Variants in TAFA1 observed in about 807,000 individuals in gnomAD.
TAFA1 encodes TAFA chemokine like family member 1.
Under a neutral mutation model 18.5 loss-of-function variants are expected in TAFA1, and 4 were observed. The ratio of observed to expected loss-of-function variants is 0.22; its 90% CI spans 0.11 to 0.49. TAFA1 has a LOEUF of 0.49. Ranked by LOEUF, TAFA1 falls within the 20% of genes least tolerant of loss-of-function variation. The pLI is 0.98. For missense variants in TAFA1, 147 were observed against 169.0 expected (o/e 0.87, Z 0.72); for synonymous variants, 56 against 55.2 (o/e 1.01, Z -0.06).
chr3:68,017,020 C>T (rs988034059), intron 2 of TAFA1, among the ~76,000 whole-genome samples: 30 of 152,144 alleles, frequency 2.0e-4, no homozygotes, highest in African/African-American at 6.8e-4. Context: ...AAAGTTTGAA[C>T]ACCACTGTTC....
chr3:68,293,694 C>T (rs1243492548), intron 2 of TAFA1, among the ~76,000 whole-genome samples: 2 of 152,276 alleles, frequency 1.3e-5, no homozygotes, highest in African/African-American at 2.4e-5. Context: ...CTCTTCATAA[C>T]GCATTTGTAT....
chr3:68,334,121 T>C lies in TAFA1; in HGVS notation c.119-83159T>C, dbSNP rs948887792. 2.0e-5 allele frequency among the ~76,000 whole-genome samples: 3 copies of C among 152,180 alleles called. No homozygotes were observed. In the East Asian group the frequency reaches 5.8e-4, roughly 29 times the overall value. Reference sequence around the variant, plus strand: ...GTTAATATACTGTATATTTGAAATTTGCCAAGAGAGTAAATGGTAAGCTTA... The same window carrying C: ...GTTAATATACTGTATATTTGAAATTCGCCAAGAGAGTAAATGGTAAGCTTA... On this transcript the variant is annotated intron_variant, in intron 2 of 4. Coordinates refer to ENST00000478136, the MANE Select transcript of TAFA1 (RefSeq NM_213609.4).
At chr3:68,473,113 A>G (rs2072031791) in intron 3 of TAFA1, among the ~76,000 whole-genome samples, 1 of 152,208 alleles carries the variant, frequency 6.6e-6, no homozygotes, top group Non-Finnish European at 1.5e-5. Flanking sequence ...AATGGTGAGG[A>G]AAAGCACTGC....
At chr3:68,264,574 T>A (rs1466173508) in intron 2 of TAFA1, among the ~76,000 whole-genome samples, 1 of 152,176 alleles carries the variant, frequency 6.6e-6, no homozygotes, top group Non-Finnish European at 1.5e-5. Flanking sequence ...TTCTGAGAAA[T>A]GTTTCAATGT....
intron 2 of TAFA1, among the ~76,000 whole-genome samples, chr3:68,336,318 C>T (rs2068968547): frequency 6.6e-6 from 1 of 152,196 alleles, no homozygotes; most frequent in Non-Finnish European, 1.5e-5. Flanking sequence ...TCCTCAGTGA[C>T]TTTGATCTCT....
At chr3:68,125,340 G>A (rs1476994043) in intron 2 of TAFA1, among the ~76,000 whole-genome samples, 1 of 152,218 alleles carries the variant, frequency 6.6e-6, no homozygotes, top group Non-Finnish European at 1.5e-5. Flanking sequence ...TGTAGCAAGA[G>A]CTACCTGTGC....
chr3:68,485,230 G>A (rs2072314848), intron 3 of TAFA1, among the ~76,000 whole-genome samples: 1 of 151,866 alleles, frequency 6.6e-6, no homozygotes, highest in Admixed American at 6.6e-5. Context: ...CACACACAAG[G>A]GTAAATGTTG....
chr3:68,474,705 C>T (rs887886632), intron 3 of TAFA1, among the ~76,000 whole-genome samples: 7 of 152,172 alleles, frequency 4.6e-5, no homozygotes, highest in Admixed American at 6.6e-5. Flanking sequence ...TATTACTTCT[C>T]ATGGAAAGCA....
At chr3:68,383,529 G>A (rs2070026501) in intron 2 of TAFA1, among the ~76,000 whole-genome samples, 1 of 152,088 alleles carries the variant, frequency 6.6e-6, no homozygotes, top group Non-Finnish European at 1.5e-5. Flanking sequence ...CAGGGGTGAA[G>A]CCTACTTGAT....
intron 2 of TAFA1, among the ~76,000 whole-genome samples, chr3:68,010,948 A>G (rs1704458613): frequency 6.6e-6 from 1 of 152,176 alleles, no homozygotes; most frequent in Non-Finnish European, 1.5e-5. Context: ...TGTTTCAGGT[A>G]ATTATAAAAT....
At chr3:68,233,780 G>A (rs1298115261) in intron 2 of TAFA1, among the ~76,000 whole-genome samples, 2 of 152,094 alleles carry the variant, frequency 1.3e-5, no homozygotes, top group African/African-American at 4.8e-5. Flanking sequence ...TAAAGGTCTT[G>A]AAACTGTCTA....
chr3:68,361,028 C>T (rs2069457908), intron 2 of TAFA1, among the ~76,000 whole-genome samples: 1 of 151,934 alleles, frequency 6.6e-6, no homozygotes, highest in Non-Finnish European at 1.5e-5. Context: ...TGCACTTTTG[C>T]TGAAAACTTT....
At chr3:68,394,324 A>T (rs2070331360) in intron 2 of TAFA1, among the ~76,000 whole-genome samples, 1 of 152,198 alleles carries the variant, frequency 6.6e-6, no homozygotes, top group East Asian at 1.9e-4. Context: ...ATGGAAAAAC[A>T]TTCCATGCTC....
Position 68,037,515 on chromosome 3 carries a change from C to G in TAFA1, c.118+30771C>G, listed in dbSNP as rs76832924. On this transcript the variant is annotated intron_variant, in intron 2 of 4. Transcript: ENST00000478136. ...ATGTCTAGGTGTTAATATTTTATGT[C>G]TAAACTACAGTTTCCATTTTTTTCC... Among the ~76,000 whole-genome samples, 1,217 of 152,246 alleles carry G rather than the reference C, an allele frequency of 8.0e-3. 17 individuals are homozygous for G. Among genetic ancestry groups the G allele is most frequent in the African/African-American group, 0.027 (1,129 of 41,548 alleles).
intron 2 of TAFA1, among the ~76,000 whole-genome samples, chr3:68,326,521 C>A (rs2068780531): frequency 6.6e-6 from 1 of 152,170 alleles, no homozygotes; most frequent in Admixed American, 6.5e-5. Flanking sequence ...AGTTTGCTTG[C>A]AATTCACCCC....
intron 2 of TAFA1, among the ~76,000 whole-genome samples, chr3:68,010,711 A>G (rs1389630958): frequency 1.3e-5 from 2 of 152,230 alleles, no homozygotes; most frequent in Non-Finnish European, 2.9e-5. Context: ...GTGAATTTTA[A>G]AATTACACTA....
intron 2 of TAFA1, among the ~76,000 whole-genome samples, chr3:68,051,335 C>A (rs1470900351): frequency 1.3e-5 from 2 of 152,132 alleles, no homozygotes; most frequent in Non-Finnish European, 2.9e-5. Context: ...AAGATTCTTA[C>A]TAAGAATCAG....
At chr3:68,537,471 G>T (rs943471753) in intron 3 of TAFA1, among the ~76,000 whole-genome samples, 4 of 152,278 alleles carry the variant, frequency 2.6e-5, no homozygotes, top group Admixed American at 6.5e-5. Flanking sequence ...GGAGAGAAAA[G>T]GAGGCCTGGC....
intron 2 of TAFA1, among the ~76,000 whole-genome samples, chr3:68,083,056 A>T (rs1421099951): frequency 1.3e-5 from 2 of 152,254 alleles, no homozygotes; most frequent in Non-Finnish European, 2.9e-5. Context: ...AATGAAGATC[A>T]CAGCCTTCCA....
Sources: allele counts gnomAD v4.1 joint callset (sites outside exome capture counted in the v4.1 genomes callset), GRCh38; gene constraint gnomAD v4.1.1; transcripts MANE v1.5; gene names NCBI Gene and HGNC (gene_info 2026-07-23, HGNC 2026-07-21).